FMN2: variants seen among roughly 807,000 people sequenced by gnomAD.
FMN2 encodes the protein formin 2.
FMN2 carries 51 observed loss-of-function variants against 142.3 expected under a neutral mutation model. That is an observed-to-expected ratio of 0.36 (90% confidence interval 0.29 to 0.45). The LOEUF (loss-of-function observed/expected upper bound fraction) is 0.45, where lower values mean the gene tolerates loss of function less well. Among genes scored for constraint, FMN2 ranks in the 20% least tolerant of loss-of-function variants. The pLI is 1.00. For missense variants in FMN2, 1,936 were observed against 2,122.8 expected (o/e 0.91, Z 1.73); for synonymous variants, 882 against 869.8 (o/e 1.01, Z -0.25).
At chr1:240,190,790 T>C (rs1198808896) in intron 4 of FMN2, among the ~76,000 whole-genome samples, 2 of 152,240 alleles carry the variant, frequency 1.3e-5, no homozygotes, top group Non-Finnish European at 2.9e-5. Context: ...CATGTATCAG[T>C]TGGATGTCCA....
intron 15 of FMN2, among the ~76,000 whole-genome samples, chr1:240,413,682 A>G (rs1194604612): frequency 1.3e-5 from 2 of 152,152 alleles, no homozygotes; most frequent in Admixed American, 6.5e-5. Flanking sequence ...GTAGCTTACA[A>G]TGGTGTCTTC....
chr1:240,149,517 G>C (rs975866830), intron 2 of FMN2, among the ~76,000 whole-genome samples: 2 of 152,124 alleles, frequency 1.3e-5, no homozygotes, highest in Non-Finnish European at 2.9e-5. Flanking sequence ...TTGCACTGAA[G>C]AGAATATAAG....
chr1:240,105,143 C>G (rs994878239), intron 1 of FMN2, among the ~76,000 whole-genome samples: 1 of 114,668 alleles, frequency 8.7e-6, no homozygotes, highest in African/African-American at 3.4e-5. Flanking sequence ...GAGTCTCACT[C>G]TGTCGCCCAG....
chr1:240,295,577 A>G (rs7519286), intron 8 of FMN2, among the ~76,000 whole-genome samples: 31,653 of 152,012 alleles, frequency 0.21, 3,523 homozygotes, highest in Admixed American at 0.33. Context: ...TTCATCCATG[A>G]TGTTGCAAAT....
intron 16 of FMN2, among the ~76,000 whole-genome samples, chr1:240,455,568 C>T (rs1676211329): frequency 6.6e-6 from 1 of 152,130 alleles, no homozygotes; most frequent in South Asian, 2.1e-4. Context: ...CTACCAGCTA[C>T]TTAGGAGGCT....
chr1:240,101,508 ATG>A lies in FMN2; in HGVS notation c.1615+7795_1615+7796del, dbSNP rs201093391. On this transcript the variant is annotated intron_variant, in intron 1 of 17. Coordinates refer to ENST00000319653, the MANE Select transcript of FMN2 (RefSeq NM_020066.5). ...AATAGGACCGTGTGTGTGTGTGTGTATGTGTGTGTGTGCCTGTGTGTCTGTGT... is the reference window on the plus strand; with the variant it reads ...AATAGGACCGTGTGTGTGTGTGTGTATGTGTGTGTGCCTGTGTGTCTGTGT... Among the ~76,000 whole-genome samples the A allele has an allele frequency of 2.4e-4, 36 of 148,806 alleles. No individual in the cohort carries two copies. In the East Asian group the frequency reaches 7.0e-3, roughly 29 times the overall value.
At chr1:240,407,398 C>T (rs1674247328) in intron 15 of FMN2, among the ~76,000 whole-genome samples, 2 of 152,156 alleles carry the variant, frequency 1.3e-5, no homozygotes, top group African/African-American at 4.8e-5. Flanking sequence ...CTCGGCCCCC[C>T]AGAGTGCTAG....
Position 240,092,349 on chromosome 1 carries a change from C to T in FMN2, c.240C>T (p.Ile80=). The T allele has an allele frequency of 6.2e-7, 1 of 1,609,090 alleles. No individual in the cohort carries two copies. Among genetic ancestry groups the T allele is most frequent in the African/African-American group, 1.3e-5 (1 of 74,924 alleles). The change falls in exon 1 of 18, where the codon ATC becomes ATT. Residue 80 remains isoleucine (I), a synonymous_variant. Transcript: ENST00000319653. The part of the protein sequence containing the change: ...SRASVFSNLR[I]RKNLSKGKGA... The stretch of plus-strand genomic sequence containing the variant: ...CCTCGGTGTTTTCCAACCTGCGGAT[C>T]AGGAAGAATCTGTCCAAGGGGAAAG...
intron 8 of FMN2, among the ~76,000 whole-genome samples, chr1:240,320,991 C>A (rs1447993480): frequency 6.6e-6 from 1 of 152,102 alleles, no homozygotes; most frequent in Non-Finnish European, 1.5e-5. Flanking sequence ...TTTGATAGAG[C>A]AATAAAAATG....
intron 14 of FMN2, among the ~76,000 whole-genome samples, chr1:240,364,306 G>A (rs143713053): frequency 1.5e-3 from 225 of 152,090 alleles, no homozygotes; most frequent in Non-Finnish European, 2.6e-3. Flanking sequence ...GGTGTCAGGT[G>A]GTAGAAACCA....
chr1:240,195,826 T>C (rs1390312648), intron 4 of FMN2, among the ~76,000 whole-genome samples: 1 of 152,028 alleles, frequency 6.6e-6, no homozygotes, highest in African/African-American at 2.4e-5. Context: ...GAGACTAGCA[T>C]TGGCAACATA....
rs866155040 is a variant in FMN2, at chr1:240,386,514, G to A, written c.4859-5997G>A. On this transcript the variant is annotated intron_variant, in intron 14 of 17. Transcript: ENST00000319653. ...TCATGAAAGCTCAAGATCAGAAAGG[G>A]CGTCCATTTCGTGTCTTTGCTTACT... 5.9e-5 allele frequency among the ~76,000 whole-genome samples: 9 copies of A among 152,098 alleles called. No homozygotes were observed. The South Asian group carries it at 8.3e-4, about 14-fold the overall frequency.
At chr1:240,372,330 G>A (rs1000893469) in intron 14 of FMN2, among the ~76,000 whole-genome samples, 1 of 152,172 alleles carries the variant, frequency 6.6e-6, no homozygotes, top group Non-Finnish European at 1.5e-5. Context: ...TGGCTTAATG[G>A]AAGTGTGTTT....
rs1040501863 is a variant in FMN2, at chr1:240,178,719, C to T, written c.1930+651C>T. On this transcript the variant is annotated intron_variant, in intron 3 of 17. Transcript: ENST00000319653. ...AAAGTGCTGGAATTACAGGCATGAG[C>T]CACCGCACCTGGGCTTTTCTTCATT... Among the ~76,000 whole-genome samples, 5 of 152,098 alleles carry T rather than the reference C, an allele frequency of 3.3e-5. No homozygotes were observed. The East Asian group carries it at 9.7e-4, about 29-fold the overall frequency.
At chr1:240,331,166 C>A (rs1671363828) in intron 11 of FMN2, among the ~76,000 whole-genome samples, 1 of 151,898 alleles carries the variant, frequency 6.6e-6, no homozygotes, top group African/African-American at 2.4e-5. Flanking sequence ...GCCAATAGGT[C>A]CATATTTTGA....
At chr1:240,354,935 A>G (rs1268754602) in intron 13 of FMN2, among the ~76,000 whole-genome samples, 1 of 152,006 alleles carries the variant, frequency 6.6e-6, no homozygotes, top group Non-Finnish European at 1.5e-5. Context: ...TTGTTGAATT[A>G]CTTCCTTACT....
chr1:240,260,876 A>G (rs770177529), intron 7 of FMN2, among the ~76,000 whole-genome samples: 15 of 152,226 alleles, frequency 9.9e-5, no homozygotes, highest in Non-Finnish European at 1.9e-4. Flanking sequence ...TAGAATTTTT[A>G]TAGTTTCAGG....
chr1:240,427,806 A>G (rs2103155839), intron 15 of FMN2, among the ~76,000 whole-genome samples: 1 of 152,276 alleles, frequency 6.6e-6, no homozygotes, highest in Admixed American at 6.5e-5. Context: ...TTTTGGCAAA[A>G]TTACTTTATA....
intron 14 of FMN2, among the ~76,000 whole-genome samples, chr1:240,366,121 A>G (rs917301184): frequency 3.9e-5 from 6 of 152,216 alleles, no homozygotes; most frequent in African/African-American, 9.7e-5. Flanking sequence ...TTATAGATCT[A>G]TATGCATATC....
Sources: gnomAD v4.1 joint callset for allele counts (sites outside exome capture counted in the v4.1 genomes callset) on GRCh38, gnomAD v4.1.1 for gene constraint, MANE v1.5 for transcripts, NCBI Gene and HGNC (gene_info 2026-07-23, HGNC 2026-07-21) for gene names.